GRIN2B: variants seen among roughly 807,000 people sequenced by gnomAD.
GRIN2B encodes glutamate receptor ionotropic, NMDA 2B.
In GRIN2B, 5 loss-of-function variants were observed where a neutral mutation model predicts 114.5. That is an observed-to-expected ratio of 0.04 (90% CI 0.02 to 0.09). The LOEUF (loss-of-function observed/expected upper bound fraction) is 0.09. Ranked by LOEUF, GRIN2B falls within the 10% of genes least tolerant of loss-of-function variation. GRIN2B has a pLI of 1.00. For synonymous variants in GRIN2B, 787 were observed against 745.1 expected (o/e 1.06, Z -0.92); for missense variants, 1,108 against 1,943.5 (o/e 0.57, Z 8.08).
At chr12:13,719,332 C>T (rs1950487825) in intron 4 of GRIN2B, among the ~76,000 whole-genome samples, 1 of 152,010 alleles carries the variant, frequency 6.6e-6, no homozygotes, top group African/African-American at 2.4e-5. Flanking sequence ...AAACCTACTC[C>T]TTAATTCACT....
rs1431018375 is a variant in GRIN2B at position 13,616,553 on chromosome 12, G to A, written c.1230C>T (p.Thr410=). ...EQEDDHLSIV[T]LEEAPFVIVE... Reference sequence around the variant, plus strand: ...CAATGACAAATGGTGCCTCCTCCAGGGTCACAATGCTCAGATGGTCATCCT... The same window carrying A: ...CAATGACAAATGGTGCCTCCTCCAGAGTCACAATGCTCAGATGGTCATCCT... Residue 410 remains threonine, a synonymous_variant, in exon 6 of 14, where the codon ACC becomes ACT. Coordinates refer to ENST00000609686, the MANE Select transcript of GRIN2B (RefSeq NM_000834.5). 3 of 1,613,534 alleles carry A rather than the reference G, an allele frequency of 1.9e-6. No homozygotes were observed. The highest frequency in any genetic ancestry group is 2.7e-5 in the African/African-American group (2 of 74,896).
intron 2 of GRIN2B, among the ~76,000 whole-genome samples, chr12:13,881,700 G>A (rs890312432): frequency 1.3e-5 from 2 of 152,174 alleles, no homozygotes; most frequent in African/African-American, 4.8e-5. Context: ...ATCACCCGAT[G>A]CAATATCCTA....
chr12:13,695,457 G>A (rs1257639192), intron 4 of GRIN2B, among the ~76,000 whole-genome samples: 1 of 152,142 alleles, frequency 6.6e-6, no homozygotes, highest in Non-Finnish European at 1.5e-5. Flanking sequence ...TTCACCAGGG[G>A]AGTTATTTTA....
At chr12:13,812,902 C>G (rs865806400) in intron 3 of GRIN2B, among the ~76,000 whole-genome samples, 13 of 147,488 alleles carry the variant, frequency 8.8e-5, no homozygotes, top group Non-Finnish European at 1.5e-4. Context: ...TTACTTGCAA[C>G]AAGGTAAGTA....
chr12:13,812,579 C>A (rs1482358625), intron 3 of GRIN2B, among the ~76,000 whole-genome samples: 2 of 151,894 alleles, frequency 1.3e-5, no homozygotes, highest in Admixed American at 6.6e-5. Context: ...AATATTAGTA[C>A]AATATTCAAC....
At chr12:13,658,029 C>T (rs1183133165) in intron 5 of GRIN2B, among the ~76,000 whole-genome samples, 1 of 151,958 alleles carries the variant, frequency 6.6e-6, no homozygotes, top group Non-Finnish European at 1.5e-5. Flanking sequence ...AACATGGAGA[C>T]ACCCTGTCTC....
At position 13,558,065 on chromosome 12, in the gene GRIN2B, C is replaced by T. The variant is rs142724097; in HGVS notation, c.*4718G>A. 7.2e-3 allele frequency: 1,100 copies of T among 152,318 alleles called. 5 individuals are homozygous for T. Among genetic ancestry groups the T allele is most frequent in the Non-Finnish European group, 0.012 (783 of 68,046 alleles). The allele number at this position is 152,318 out of a possible 1,614,324, so 9.4% of individuals were successfully genotyped here. On this transcript the variant is annotated 3_prime_UTR_variant, in exon 14 of 14. Coordinates refer to ENST00000609686, the MANE Select transcript of GRIN2B (RefSeq NM_000834.5). ...CCAGACCCATCCCAGTGTGACTATT[C>T]ACTTTCAGCTGCTTCTCCTCCATGA...
At position 13,753,195 on chromosome 12, in the gene GRIN2B, G is replaced by T; in HGVS notation, c.1010+122C>A. ...AATCATGACCAATTGCCATGCCCAA[G>T]GCCAGGCTTCAACCTGCTACCGTCT... On this transcript the variant is annotated intron_variant, in intron 4 of 13. Transcript: ENST00000609686. The surrounding 1 kb of genome is among the most constrained non-coding windows in gnomAD (Gnocchi z 6.2). 1.3e-6 allele frequency: 1 copy of T among 785,308 alleles called. No homozygotes were observed. 48.6% of individuals were successfully genotyped at this position (785,308 alleles called of 1,614,324 possible). A position where few individuals can be genotyped will look rare whatever the true frequency, so the allele number is the denominator to read the frequency against.
chr12:13,800,314 C>T (rs1864486146), intron 3 of GRIN2B, among the ~76,000 whole-genome samples: 1 of 152,140 alleles, frequency 6.6e-6, no homozygotes, highest in African/African-American at 2.4e-5. Flanking sequence ...TCTGTGGGTA[C>T]TCTGGAACAT....
At chr12:13,631,406 C>A (rs555816536) in intron 5 of GRIN2B, among the ~76,000 whole-genome samples, 2 of 152,066 alleles carry the variant, frequency 1.3e-5, no homozygotes, top group Admixed American at 6.6e-5. Context: ...TGCCAAAATA[C>A]CCTCATATAG....
At chr12:13,739,374 CAAAAAAAAAAAA>C (rs34320563) in intron 4 of GRIN2B, among the ~76,000 whole-genome samples, 11 of 59,374 alleles carry the variant, frequency 1.9e-4, no homozygotes, top group Admixed American at 2.7e-4. Context: ...AACTCCGTCT[CAAAAAAAAAAAA>C]AAAAAAAAAA....
intron 2 of GRIN2B, among the ~76,000 whole-genome samples, chr12:13,936,284 A>G (rs1867129586): frequency 6.6e-6 from 1 of 152,212 alleles, no homozygotes; most frequent in Non-Finnish European, 1.5e-5. Context: ...CAGTCCTGCC[A>G]GAGTAGAACA....
chr12:13,592,467 C>T (rs1470351589), intron 10 of GRIN2B, among the ~76,000 whole-genome samples: 1 of 152,212 alleles, frequency 6.6e-6, no homozygotes, highest in African/African-American at 2.4e-5. Context: ...TGCACTCTTG[C>T]AATGCACCTT....
intron 5 of GRIN2B, among the ~76,000 whole-genome samples, chr12:13,642,066 G>A (rs950809317): frequency 2.0e-5 from 3 of 151,990 alleles, no homozygotes; most frequent in Non-Finnish European, 2.9e-5. Context: ...GCGCACACCT[G>A]TAATTTCAGC....
At position 13,936,856 on chromosome 12, in the gene GRIN2B, G is replaced by T. The variant is rs75035479; in HGVS notation, c.-19+43072C>A. Among the ~76,000 whole-genome samples, 1,055 of 151,200 alleles carry T rather than the reference G, an allele frequency of 7.0e-3. 15 individuals are homozygous for T. The highest frequency in any genetic ancestry group is 0.024 in the African/African-American group (991 of 41,254). ...GAAAAGCAGAAAATTACAAAAAAAAGATGCAAATAAAAGTTCTATAACTAG... is the reference window on the plus strand; with the variant it reads ...GAAAAGCAGAAAATTACAAAAAAAATATGCAAATAAAAGTTCTATAACTAG... On this transcript the variant is annotated intron_variant, in intron 2 of 13. Coordinates refer to ENST00000609686, the MANE Select transcript of GRIN2B (RefSeq NM_000834.5).
At chr12:13,622,842 G>C (rs542451220) in intron 5 of GRIN2B, among the ~76,000 whole-genome samples, 7 of 152,176 alleles carry the variant, frequency 4.6e-5, no homozygotes, top group Non-Finnish European at 7.3e-5. Flanking sequence ...CATGAGGGCA[G>C]AGCCTCAGGA....
chr12:13,976,046 G>T (rs1020831455), intron 2 of GRIN2B, among the ~76,000 whole-genome samples: 1 of 152,252 alleles, frequency 6.6e-6, no homozygotes, highest in South Asian at 2.1e-4. Context: ...AATGTTCACA[G>T]CACAATGGAT....
chr12:13,845,761 T>G (rs1675427962), intron 3 of GRIN2B, among the ~76,000 whole-genome samples: 1 of 152,194 alleles, frequency 6.6e-6, no homozygotes, highest in African/African-American at 2.4e-5. Flanking sequence ...GGAGTGGGGA[T>G]GAAAATAGAG....
At chr12:13,897,939 A>G (rs1291594771) in intron 2 of GRIN2B, among the ~76,000 whole-genome samples, 2 of 151,550 alleles carry the variant, frequency 1.3e-5, no homozygotes, top group Non-Finnish European at 2.9e-5. Flanking sequence ...CCCTCCCAAT[A>G]TGTAACTAAC....
Sources: gnomAD v4.1 joint callset for allele counts (sites outside exome capture counted in the v4.1 genomes callset) on GRCh38, gnomAD v4.1.1 for gene constraint, Gnocchi (gnomAD v3.1) non-coding constraint, MANE v1.5 for transcripts, NCBI Gene and HGNC (gene_info 2026-07-23, HGNC 2026-07-21) for gene names.